The following GRIN2B variants were observed in gnomAD, a reference collection of about 807,000 sequenced individuals.
The protein encoded by GRIN2B is glutamate ionotropic receptor NMDA type subunit 2B.
GRIN2B carries 5 observed loss-of-function variants against 114.5 expected under a neutral mutation model. The ratio of observed to expected loss-of-function variants is 0.04; its 90% CI spans 0.02 to 0.09. The LOEUF (loss-of-function observed/expected upper bound fraction) is 0.09, where lower values mean the gene tolerates loss of function less well. Ranked by LOEUF, GRIN2B falls within the 10% of genes least tolerant of loss-of-function variation. GRIN2B has a pLI of 1.00. For synonymous variants in GRIN2B, 787 were observed against 745.1 expected (o/e 1.06, Z -0.92); for missense variants, 1,108 against 1,943.5 (o/e 0.57, Z 8.08).
intron 2 of GRIN2B, among the ~76,000 whole-genome samples, chr12:13,878,791 G>C (rs1476699634): frequency 6.6e-6 from 1 of 152,198 alleles, no homozygotes; most frequent in East Asian, 1.9e-4. Flanking sequence ...AACAGCTGAA[G>C]ACTATTTCAA....
chr12:13,661,881 C>A (rs1949927058), intron 5 of GRIN2B, among the ~76,000 whole-genome samples: 1 of 152,154 alleles, frequency 6.6e-6, no homozygotes, highest in South Asian at 2.1e-4. Context: ...ACCTTTTAGG[C>A]CGTATAGAAC....
chr12:13,690,799 T>G (rs1224385957), intron 4 of GRIN2B, among the ~76,000 whole-genome samples: 1 of 152,184 alleles, frequency 6.6e-6, no homozygotes. Flanking sequence ...GATATTGCAG[T>G]TTGTGGCTAT....
At chr12:13,831,485 G>A (rs1186869401) in intron 3 of GRIN2B, among the ~76,000 whole-genome samples, 1 of 152,174 alleles carries the variant, frequency 6.6e-6, no homozygotes, top group Non-Finnish European at 1.5e-5. Flanking sequence ...TGGAGTCACA[G>A]AAGAGGTTAC....
intron 2 of GRIN2B, among the ~76,000 whole-genome samples, chr12:13,965,383 C>T (rs1044960344): frequency 6.6e-6 from 1 of 152,128 alleles, no homozygotes; most frequent in African/African-American, 2.4e-5. Context: ...TGTGATTTTC[C>T]CAAATGGCAG....
chr12:13,969,380 T>C (rs1352723979), intron 2 of GRIN2B, among the ~76,000 whole-genome samples: 1 of 152,226 alleles, frequency 6.6e-6, no homozygotes, highest in Non-Finnish European at 1.5e-5. Context: ...TCAGAAGATG[T>C]AAGTTGGAAC....
At chr12:13,844,794 G>A (rs764599449) in intron 3 of GRIN2B, among the ~76,000 whole-genome samples, 4 of 152,108 alleles carry the variant, frequency 2.6e-5, no homozygotes, top group East Asian at 3.8e-4. Flanking sequence ...CTGCACAATC[G>A]TTATGAGTAT....
intron 3 of GRIN2B, among the ~76,000 whole-genome samples, chr12:13,754,319 G>A (rs1176050498): frequency 1.3e-5 from 2 of 152,136 alleles, no homozygotes; most frequent in African/African-American, 2.4e-5. Context: ...TGTCAAATGA[G>A]CTATACAAAC....
At chr12:13,867,841 G>A (rs959708883) in intron 2 of GRIN2B, among the ~76,000 whole-genome samples, 1 of 150,686 alleles carries the variant, frequency 6.6e-6, no homozygotes, top group African/African-American at 2.4e-5. Context: ...TCTACAAAGA[G>A]AGAGAGCATA....
At chr12:13,813,948 T>C (rs1232570093) in intron 3 of GRIN2B, among the ~76,000 whole-genome samples, 4 of 152,208 alleles carry the variant, frequency 2.6e-5, no homozygotes, top group African/African-American at 9.6e-5. Context: ...TGTGCACATG[T>C]ATTCTCATGC....
At chr12:13,896,400 C>T (rs985286603) in intron 2 of GRIN2B, among the ~76,000 whole-genome samples, 6 of 152,106 alleles carry the variant, frequency 3.9e-5, no homozygotes, top group Admixed American at 2.6e-4. Flanking sequence ...AAGAGCAAAG[C>T]GATGGGTTAG....
At chr12:13,651,330 G>T (rs1274935811) in intron 5 of GRIN2B, among the ~76,000 whole-genome samples, 1 of 152,072 alleles carries the variant, frequency 6.6e-6, no homozygotes, top group Non-Finnish European at 1.5e-5. Flanking sequence ...TTAATCAGCA[G>T]CCATGTGTAG....
At chr12:13,747,198 G>A (rs1452203700) in intron 4 of GRIN2B, among the ~76,000 whole-genome samples, 1 of 152,196 alleles carries the variant, frequency 6.6e-6, no homozygotes, top group Non-Finnish European at 1.5e-5. Flanking sequence ...CGCAGAATTA[G>A]TGATTAAGGA....
At chr12:13,969,391 C>G (rs1867841132) in intron 2 of GRIN2B, among the ~76,000 whole-genome samples, 4 of 152,112 alleles carry the variant, frequency 2.6e-5, no homozygotes, top group Non-Finnish European at 5.9e-5. Flanking sequence ...AAGTTGGAAC[C>G]CTAGTTTGCT....
At chr12:13,827,526 C>T (rs1865066030) in intron 3 of GRIN2B, among the ~76,000 whole-genome samples, 1 of 152,056 alleles carries the variant, frequency 6.6e-6, no homozygotes, top group Non-Finnish European at 1.5e-5. Flanking sequence ...TATTTTATTA[C>T]AATGCCTAAT....
At chr12:13,967,653 G>A (rs191209358) in intron 2 of GRIN2B, among the ~76,000 whole-genome samples, 1 of 152,358 alleles carries the variant, frequency 6.6e-6, no homozygotes, top group Admixed American at 6.5e-5. Flanking sequence ...GAGGGTGGAT[G>A]CTGTTTCTCC....
At chr12:13,862,354 C>A (rs1865765232) in intron 3 of GRIN2B, among the ~76,000 whole-genome samples, 1 of 152,100 alleles carries the variant, frequency 6.6e-6, no homozygotes, top group South Asian at 2.1e-4. Flanking sequence ...TGCAATCATC[C>A]ACAAGAGCAC....
At chr12:13,979,823 G>T (rs1591651634) in intron 2 of GRIN2B, 105 bp downstream of exon 2, 1 of 151,828 alleles carries the variant, frequency 6.6e-6, no homozygotes, top group South Asian at 2.1e-4. Flanking sequence ...TTCATATCTT[G>T]TGACCTTTTC....
chr12:13,794,207 CAAAAAAA>C (rs3082833), intron 3 of GRIN2B, among the ~76,000 whole-genome samples: 4 of 103,066 alleles, frequency 3.9e-5, no homozygotes, highest in African/African-American at 1.6e-4. Flanking sequence ...GACTCTGTCT[CAAAAAAA>C]AAAAAAAAAG....
At chr12:13,755,352 C>T (rs1565525762) in intron 3 of GRIN2B, among the ~76,000 whole-genome samples, 1 of 152,170 alleles carries the variant, frequency 6.6e-6, no homozygotes, top group African/African-American at 2.4e-5. Context: ...GCTGCCAGCC[C>T]CTGGCTCTGC....
Sources: gnomAD v4.1 joint callset for allele counts (sites outside exome capture counted in the v4.1 genomes callset) on GRCh38, gnomAD v4.1.1 for gene constraint, MANE v1.5 for transcripts, NCBI Gene and HGNC (gene_info 2026-07-23, HGNC 2026-07-21) for gene names.